The following LANCL3 variants were observed in gnomAD, a reference collection of about 807,000 sequenced individuals.
LANCL3 encodes lanC-like protein 3.
A neutral mutation model predicts 26.5 loss-of-function variants in LANCL3; 19 were observed. That is an observed-to-expected ratio of 0.72 (90% confidence interval 0.50 to 1.05). The LOEUF (loss-of-function observed/expected upper bound fraction) is 1.05. Ranked by LOEUF, LANCL3 falls within the 50% of genes least tolerant of loss-of-function variation. The pLI, the probability that LANCL3 is intolerant of heterozygous loss-of-function variation, is 0.00. For missense variants in LANCL3, 318 were observed against 362.7 expected (o/e 0.88, Z 1.00); for synonymous variants, 160 against 166.6 (o/e 0.96, Z 0.30).
At chrX:37,660,631 A>G (rs782138308) in intron 3 of LANCL3, among the ~76,000 whole-genome samples, 27 of 111,680 alleles carry the variant, frequency 2.4e-4, no homozygotes, top group African/African-American at 8.8e-4. Flanking sequence ...TTCTGAGTCG[A>G]TTTAATTTTC....
intron 3 of LANCL3, among the ~76,000 whole-genome samples, chrX:37,663,802 C>T (rs1164805830): frequency 9.0e-6 from 1 of 111,367 alleles, no homozygotes; most frequent in Non-Finnish European, 1.9e-5. Context: ...CCTCCTTCTT[C>T]ACCAAGCTCT....
intron 3 of LANCL3, among the ~76,000 whole-genome samples, chrX:37,665,493 A>T (rs1926524626): frequency 8.9e-6 from 1 of 112,059 alleles, no homozygotes. Flanking sequence ...GGGAACTTCC[A>T]CCTTTCTGAT....
intron 1 of LANCL3, among the ~76,000 whole-genome samples, chrX:37,603,117 C>T (rs1276611618): frequency 8.9e-6 from 1 of 112,206 alleles, no homozygotes; most frequent in Non-Finnish European, 1.9e-5. Context: ...GGGCCATTTT[C>T]GATAGATCTT....
intron 1 of LANCL3, among the ~76,000 whole-genome samples, chrX:37,631,783 G>C (rs1435912213): frequency 9.0e-6 from 1 of 111,364 alleles, no homozygotes; most frequent in Non-Finnish European, 1.9e-5. Context: ...TCTTAATCCT[G>C]AGTTCCAGTT....
chrX:37,657,163 A>T (rs1413921495), intron 2 of LANCL3, among the ~76,000 whole-genome samples: 1 of 112,457 alleles, frequency 8.9e-6, no homozygotes, highest in Non-Finnish European at 1.9e-5. Context: ...CTGCTCCTAG[A>T]GGTATTAATT....
intron 4 of LANCL3, among the ~76,000 whole-genome samples, chrX:37,672,054 C>A (rs1262459612): frequency 9.0e-6 from 1 of 111,510 alleles, no homozygotes; most frequent in Non-Finnish European, 1.9e-5. Context: ...CCCTATAAAG[C>A]GTATTAAAAG....
intron 1 of LANCL3, among the ~76,000 whole-genome samples, chrX:37,629,675 A>G (rs1556423769): frequency 9.1e-6 from 1 of 110,120 alleles, no homozygotes; most frequent in Admixed American, 9.7e-5. Flanking sequence ...ATGGCTAGCC[A>G]GTTTTCACAG....
intron 1 of LANCL3, among the ~76,000 whole-genome samples, chrX:37,633,028 G>A (rs1925580327): frequency 9.0e-6 from 1 of 111,677 alleles, no homozygotes; most frequent in South Asian, 3.8e-4. Context: ...AAGTTCTCCT[G>A]GATAATATCC....
intron 1 of LANCL3, among the ~76,000 whole-genome samples, chrX:37,631,579 G>T (rs1925513770): frequency 9.0e-6 from 1 of 111,087 alleles, no homozygotes; most frequent in African/African-American, 3.3e-5. Flanking sequence ...GCTTTCTCTT[G>T]TGGGCATTTA....
At chrX:37,628,000 A>C (rs1006526573) in intron 1 of LANCL3, among the ~76,000 whole-genome samples, 5 of 112,059 alleles carry the variant, frequency 4.5e-5, no homozygotes, top group African/African-American at 1.6e-4. Context: ...CCTGTGTTCT[A>C]GACCTTCCCA....
chrX:37,634,837 C>T (rs1556425163), intron 1 of LANCL3, among the ~76,000 whole-genome samples: 1 of 111,433 alleles, frequency 9.0e-6, no homozygotes, highest in Admixed American at 9.6e-5. Flanking sequence ...TACTCCAAAA[C>T]ACCTTTCCTC....
chrX:37,649,879 T>C (rs1165286428), intron 1 of LANCL3, among the ~76,000 whole-genome samples: 2 of 111,699 alleles, frequency 1.8e-5, no homozygotes, highest in African/African-American at 3.3e-5. Flanking sequence ...AGCCCTCGTC[T>C]TCATCATTAT....
intron 1 of LANCL3, among the ~76,000 whole-genome samples, chrX:37,609,111 T>C (rs1313582339): frequency 8.9e-6 from 1 of 112,276 alleles, no homozygotes; most frequent in African/African-American, 3.2e-5. Flanking sequence ...TACATTCAAG[T>C]AGATGCTTTA....
intron 1 of LANCL3, among the ~76,000 whole-genome samples, chrX:37,592,694 G>A (rs1170956068): frequency 1.8e-5 from 2 of 111,840 alleles, no homozygotes; most frequent in African/African-American, 3.2e-5. Flanking sequence ...TGAAAGTTCA[G>A]CCAAAAGACA....
chrX:37,661,880 C>A (rs1261072892), intron 3 of LANCL3, among the ~76,000 whole-genome samples: 5 of 112,143 alleles, frequency 4.5e-5, no homozygotes, highest in African/African-American at 1.6e-4. Context: ...AACCCACCTC[C>A]ACAGGTGACA....
At chrX:37,650,722 CTCTCTTTTTTTTT>C (rs1193834967) in intron 1 of LANCL3, among the ~76,000 whole-genome samples, 5 of 107,767 alleles carry the variant, frequency 4.6e-5, no homozygotes, top group East Asian at 2.9e-4. Flanking sequence ...TCTCCTTTCA[CTCTCTTTTTTTTT>C]TCTCTTTTTT....
At chrX:37,592,499 C>G (rs1267303117) in intron 1 of LANCL3, among the ~76,000 whole-genome samples, 1 of 111,841 alleles carries the variant, frequency 8.9e-6, no homozygotes, top group Admixed American at 9.5e-5. Flanking sequence ...GAAAATTTCC[C>G]AAATGCCCAA....
intron 3 of LANCL3, among the ~76,000 whole-genome samples, chrX:37,666,982 A>G (rs1182860581): frequency 1.8e-5 from 2 of 112,296 alleles, no homozygotes; most frequent in African/African-American, 6.5e-5. Context: ...ATGTACGTCA[A>G]TAAAAATGTT....
In LANCL3 at chrX:37,670,267, G is replaced by A. The variant is rs1202482101; in HGVS notation, c.1103+2778G>A. Among the ~76,000 whole-genome samples, 4 of 111,662 alleles carry A rather than the reference G, an allele frequency of 3.6e-5. No homozygotes were observed. The East Asian group carries it at 8.4e-4, about 24-fold the overall frequency. On this transcript the variant is annotated intron_variant, in intron 4 of 4. Transcript: ENST00000378619. ...TTGTAACTCTTTGTCAATGTATGCT[G>A]TAAATACCTTCCTGCTTTGCCATTT... is the stretch of plus-strand genomic sequence containing the variant.
Sources: gnomAD v4.1 joint callset for allele counts (sites outside exome capture counted in the v4.1 genomes callset) on GRCh38, gnomAD v4.1.1 for gene constraint, MANE v1.5 for transcripts, NCBI Gene and HGNC (gene_info 2026-07-23, HGNC 2026-07-21) for gene names.